The following WDR59 variants were observed in gnomAD, a reference collection of about 807,000 sequenced individuals.
WDR59 encodes WD repeat domain 59.
WDR59 carries 100 observed loss-of-function variants against 131.2 expected under a neutral mutation model. The ratio of observed to expected loss-of-function variants is 0.76; its 90% CI spans 0.65 to 0.90. WDR59 has a LOEUF of 0.90. Among genes scored for constraint, WDR59 ranks in the 40% least tolerant of loss-of-function variants. The pLI is 0.00. For synonymous variants in WDR59, 601 were observed against 466.2 expected (o/e 1.29, Z -3.72); for missense variants, 1,203 against 1,262.2 (o/e 0.95, Z 0.71).
At chr16:74,899,199 T>G (rs1248930741) in intron 18 of WDR59, among the ~76,000 whole-genome samples, 1 of 152,166 alleles carries the variant, frequency 6.6e-6, no homozygotes, top group Admixed American at 6.5e-5. Context: ...AAAATTTGTT[T>G]CAGAAACTTC....
At chr16:74,946,387 C>T (rs1158184015) in intron 6 of WDR59, among the ~76,000 whole-genome samples, 2 of 152,046 alleles carry the variant, frequency 1.3e-5, no homozygotes, top group African/African-American at 2.4e-5. Flanking sequence ...ATGCCTGTAG[C>T]GCACAAATAC....
intron 17 of WDR59, among the ~76,000 whole-genome samples, chr16:74,905,643 C>T (rs974929901): frequency 1.3e-5 from 2 of 148,436 alleles, no homozygotes; most frequent in Non-Finnish European, 3.0e-5. Flanking sequence ...GATTGCACCA[C>T]TGCACTCCAG....
rs138295398 is a variant in WDR59, at chr16:74,949,768, G to T, written c.357C>A (p.Asp119Glu). The T allele has an allele frequency of 1.3e-3, 2,052 of 1,613,948 alleles. 5 individuals are homozygous for T. Among genetic ancestry groups the T allele is most frequent in the Non-Finnish European group, 1.5e-3 (1,739 of 1,179,932 alleles). Residue 119 changes from aspartate to glutamate, a missense_variant, in exon 5 of 26, where the codon GAC becomes GAA. Physicochemically the swap from Asp to Glu is conservative, Grantham distance 45. Transcript: ENST00000262144. ...SDLDWAVFEP[D>E]LLVTSSVDTY... Reference sequence around the variant, plus strand: ...TGTCCACAGAGCTGGTAACCAGGAGGTCAGGCTCAAACACCGCCCAGTCCA... The same window carrying T: ...TGTCCACAGAGCTGGTAACCAGGAGTTCAGGCTCAAACACCGCCCAGTCCA...
intron 2 of WDR59, among the ~76,000 whole-genome samples, chr16:74,958,381 G>T (rs1036532897): frequency 6.6e-6 from 1 of 151,746 alleles, no homozygotes; most frequent in Non-Finnish European, 1.5e-5. Flanking sequence ...CCTCAGGTCA[G>T]AAGTGGGAGA....
chr16:74,963,388 A>G (rs2033639160), intron 2 of WDR59: 1 of 152,260 alleles, frequency 6.6e-6, no homozygotes. Flanking sequence ...GTACATATAC[A>G]TCATGGAGTA....
At chr16:74,978,036 C>T (rs1196022638) in intron 1 of WDR59, among the ~76,000 whole-genome samples, 1 of 151,762 alleles carries the variant, frequency 6.6e-6, no homozygotes, top group Admixed American at 6.6e-5. Flanking sequence ...CAGCCAGATT[C>T]CACCCCCACA....
intron 4 of WDR59, among the ~76,000 whole-genome samples, chr16:74,950,930 T>C (rs536958753): frequency 6.7e-6 from 1 of 148,218 alleles, no homozygotes; most frequent in South Asian, 2.1e-4. Context: ...CCAAGGCAGG[T>C]GGGTCACTTC....
chr16:74,967,253 CAG>C (rs2033811455), intron 1 of WDR59, among the ~76,000 whole-genome samples: 1 of 152,180 alleles, frequency 6.6e-6, no homozygotes, highest in Non-Finnish European at 1.5e-5. Context: ...TTCAGTGCAC[CAG>C]AGTCAGGAGC....
chr16:74,983,468 G>A (rs749019031), intron 1 of WDR59, among the ~76,000 whole-genome samples: 8 of 151,830 alleles, frequency 5.3e-5, no homozygotes, highest in African/African-American at 1.9e-4. Context: ...GTGAGACTCT[G>A]TCTCAAAAAA....
rs750378576 is a variant in WDR59, at chr16:74,912,388, T to G, written c.1225-26A>C. The G allele has an allele frequency of 3.1e-6, 5 of 1,600,618 alleles. No individual in the cohort carries two copies. The South Asian group carries it at 5.5e-5, about 18-fold the overall frequency. On this transcript the variant is annotated intron_variant, in intron 13 of 25. Coordinates refer to ENST00000262144, the MANE Select transcript of WDR59 (RefSeq NM_030581.4). Reference sequence around the variant, plus strand: ...CTGCAAGAGACAAATCCACAATTGCTGTAGAAACAAACCATAAAGCGTCTT... The same window carrying G: ...CTGCAAGAGACAAATCCACAATTGCGGTAGAAACAAACCATAAAGCGTCTT...
At chr16:74,879,954 G>A (rs370678687) in intron 25 of WDR59, among the ~76,000 whole-genome samples, 2 of 152,232 alleles carry the variant, frequency 1.3e-5, no homozygotes, top group Admixed American at 6.5e-5. Context: ...GGGAGGCTGA[G>A]GTGGAAGGAT....
intron 7 of WDR59, among the ~76,000 whole-genome samples, chr16:74,942,287 G>C (rs1423989551): frequency 6.6e-6 from 1 of 152,078 alleles, no homozygotes; most frequent in Admixed American, 6.6e-5. Flanking sequence ...CTTGCTCATC[G>C]TTATTGGAAG....
At chr16:74,894,487 A>T (rs1248289571) in intron 18 of WDR59, among the ~76,000 whole-genome samples, 2 of 152,186 alleles carry the variant, frequency 1.3e-5, no homozygotes, top group East Asian at 3.9e-4. Context: ...AGGAGCCTGT[A>T]TGTGTGAAAT....
intron 10 of WDR59, among the ~76,000 whole-genome samples, chr16:74,919,144 C>T (rs2029896471): frequency 6.6e-6 from 1 of 152,100 alleles, no homozygotes; most frequent in African/African-American, 2.4e-5. Context: ...CCCTTTGCTT[C>T]CCCGACTCCC....
intron 1 of WDR59, among the ~76,000 whole-genome samples, chr16:74,972,651 T>C (rs2034029738): frequency 6.8e-6 from 1 of 148,018 alleles, no homozygotes; most frequent in Non-Finnish European, 1.5e-5. Flanking sequence ...CTGGCCAACA[T>C]GGCTACTAAA....
chr16:74,970,350 T>A (rs907757644), intron 1 of WDR59, among the ~76,000 whole-genome samples: 1 of 151,878 alleles, frequency 6.6e-6, no homozygotes, highest in Admixed American at 6.6e-5. Flanking sequence ...GTCATTTCAC[T>A]TAATTCTACT....
intron 1 of WDR59, among the ~76,000 whole-genome samples, chr16:74,976,894 C>G (rs1225512947): frequency 6.6e-6 from 1 of 151,972 alleles, no homozygotes; most frequent in Non-Finnish European, 1.5e-5. Flanking sequence ...GCATTTCCAA[C>G]TACTTAAGAG....
chr16:74,898,116 G>T (rs1479037557), intron 18 of WDR59, among the ~76,000 whole-genome samples: 1 of 152,120 alleles, frequency 6.6e-6, no homozygotes, highest in Non-Finnish European at 1.5e-5. Flanking sequence ...TATCTTGCTG[G>T]CAATGTTTGG....
intron 23 of WDR59, among the ~76,000 whole-genome samples, chr16:74,886,918 T>A (rs902492609): frequency 8.6e-5 from 13 of 151,834 alleles, no homozygotes; most frequent in African/African-American, 3.1e-4. Flanking sequence ...CAAGAGTCCA[T>A]CTCAAAAAAC....
Sources: allele counts gnomAD v4.1 joint callset (sites outside exome capture counted in the v4.1 genomes callset), GRCh38; gene constraint gnomAD v4.1.1; transcripts MANE v1.5; gene names NCBI Gene and HGNC (gene_info 2026-07-23, HGNC 2026-07-21).